The following DDX60L variants were observed in gnomAD, a reference collection of about 807,000 sequenced individuals.
DDX60L encodes DExD/H-box 60 like.
In DDX60L, 191 loss-of-function variants were observed where a neutral mutation model predicts 211.6. That is an observed-to-expected ratio of 0.90 (90% CI 0.80 to 1.02). DDX60L has a LOEUF of 1.02. Ranked by LOEUF, DDX60L falls within the 50% of genes least tolerant of loss-of-function variation. The pLI is 0.00. For missense variants in DDX60L, 2,007 were observed against 1,984.1 expected, an observed-to-expected ratio of 1.01 and a Z score of -0.22; for synonymous variants, 706 against 694.1, an observed-to-expected ratio of 1.02 and a Z score of -0.27.
chr4:168,380,108 GA>G, intron 30 of DDX60L: 1 of 278,964 alleles, frequency 3.6e-6, no homozygotes, highest in Non-Finnish European at 6.7e-6. Flanking sequence ...ATAGTGGCCT[GA>G]AAAAATGAAG....
At position 168,471,771 on chromosome 4, in the gene DDX60L, T is replaced by G; in HGVS notation, c.240A>C (p.Gly80=). 1.2e-6 allele frequency: 2 copies of G among 1,603,464 alleles called. No individual in the cohort carries two copies. Among genetic ancestry groups the G allele is most frequent in the Non-Finnish European group, 1.7e-6 (2 of 1,177,642 alleles). The change falls in exon 4 of 38, where the codon GGA becomes GGC. Residue 80 remains glycine, a synonymous_variant. Coordinates refer to ENST00000682922, the MANE Select transcript of DDX60L (RefSeq NM_001012967.3). ...CYLVDLLSNG[G]QFTIVFFKDA... ...CCTTAAAGAAAACTATGGTGAATTG[T>G]CCTCCGTTACTCAGAAGATCCACAA...
chr4:168,432,262 AT>A (rs1752470630), intron 12 of DDX60L, among the ~76,000 whole-genome samples, 192 bp downstream of exon 12: 1 of 149,074 alleles, frequency 6.7e-6, no homozygotes, highest in East Asian at 1.9e-4. Flanking sequence ...GTGTGTATAT[AT>A]ATATACACAC....
Position 168,453,185 on chromosome 4 carries a change from C to G in DDX60L, c.935G>C (p.Arg312Thr). ...GCATGTGATGACTCGAGAACAAGCT[C>G]TCTGAGAAAGGGGTAAGTGGAGTTG... The part of the protein sequence containing the change: ...AFQLHLPLSQ[R>T]ACSRVITCSW... Residue 312 changes from arginine (R) to threonine (T), a missense_variant, in exon 8 of 38, where the codon AGA becomes ACA. Transcript: ENST00000682922. 6.2e-7 allele frequency: 1 copy of G among 1,613,416 alleles called. No homozygotes were observed. The highest frequency in any genetic ancestry group is 1.3e-5 in the African/African-American group (1 of 75,020).
rs764971648 is a variant in DDX60L at position 168,361,206 on chromosome 4, C to G, written c.4934G>C (p.Arg1645Pro). The change falls in exon 37 of 38, where the codon CGT becomes CCT. Residue 1645 changes from arginine to proline, a missense_variant. Coordinates refer to ENST00000682922, the MANE Select transcript of DDX60L (RefSeq NM_001012967.3). ...LTRLDQKNGM[R>P]MGQLLKCLKD... Reference sequence around the variant, plus strand: ...CAAACACTTTAAAAGCTGTCCCATACGCATCCTAAAGAGAACAACATTTCT... The same window carrying G: ...CAAACACTTTAAAAGCTGTCCCATAGGCATCCTAAAGAGAACAACATTTCT... 6.3e-7 allele frequency: 1 copy of G among 1,581,902 alleles called. No individual in the cohort carries two copies. The highest frequency in any genetic ancestry group is 1.3e-5 in the African/African-American group (1 of 74,618).
intron 4 of DDX60L, among the ~76,000 whole-genome samples, chr4:168,467,367 C>T (rs922212758): frequency 4.0e-5 from 6 of 149,474 alleles, no homozygotes; most frequent in Admixed American, 1.3e-4. Flanking sequence ...CAAAATCATG[C>T]TACTGCTATG....
intron 6 of DDX60L, 83 bp from the exon 7 acceptor site, chr4:168,456,235 T>G: frequency 1.3e-6 from 1 of 752,956 alleles, no homozygotes; most frequent in Non-Finnish European, 2.0e-6. Flanking sequence ...GTAAGAAACA[T>G]AAAGAAAACG....
chr4:168,407,377 T>A (rs536404638), intron 22 of DDX60L, among the ~76,000 whole-genome samples: 2 of 152,338 alleles, frequency 1.3e-5, no homozygotes, highest in South Asian at 4.1e-4. Flanking sequence ...CAAAGCACCA[T>A]GTAGGGTACA....
Position 168,439,112 on chromosome 4 carries a change from G to A in DDX60L, c.1294+2225C>T, listed in dbSNP as rs564077071. On this transcript the variant is annotated intron_variant, in intron 10 of 37. Coordinates refer to ENST00000682922, the MANE Select transcript of DDX60L (RefSeq NM_001012967.3). ...GTGTGATTTCGTTAGTGCCTTTATT[G>A]GGAGATTAAGTATGGTTTAAGGATA... Among the ~76,000 whole-genome samples, 5 of 152,176 alleles carry A rather than the reference G, an allele frequency of 3.3e-5. 1 individual carries two copies. The highest frequency in any genetic ancestry group is 1.2e-4 in the African/African-American group (5 of 41,526).
chr4:168,448,888 T>C (rs1755230614), intron 8 of DDX60L, 109 bp from the exon 9 acceptor site: 2 of 932,510 alleles, frequency 2.1e-6, no homozygotes, highest in Admixed American at 5.7e-5. Context: ...GGTGGAATGA[T>C]AAAGTCATTA....
Position 168,375,596 on chromosome 4 carries a change from T to C in DDX60L, c.4486-72A>G, listed in dbSNP as rs72989172. ...AAAATTAAACTGCTTGGTGATAAGA[T>C]TGCAGCATAGTTCTGTAGATTGATG... On this transcript the variant is annotated intron_variant, in intron 33 of 37. Transcript: ENST00000682922. 8.4e-3 allele frequency: 11,701 copies of C among 1,386,386 alleles called. 837 individuals are homozygous for C. The African/African-American group carries it at 0.15, about 18-fold the overall frequency. 85.9% of individuals were successfully genotyped at this position (1,386,386 alleles called of 1,614,324 possible). A position where few individuals can be genotyped will look rare whatever the true frequency, so the allele number is the denominator to read the frequency against.
rs187093278 is a variant in DDX60L at position 168,412,533 on chromosome 4, T to C, written c.2979+2875A>G. On this transcript the variant is annotated intron_variant, in intron 22 of 37. Coordinates refer to ENST00000682922, the MANE Select transcript of DDX60L (RefSeq NM_001012967.3). ...TGGGAAAAAAAAAGGGAAGAGTAGA[T>C]AGATCCTGACTCCAAGCCCTGGATC... Among the ~76,000 whole-genome samples the C allele has an allele frequency of 7.9e-4, 120 of 151,796 alleles. 1 individual carries two copies. Among genetic ancestry groups the C allele is most frequent in the African/African-American group, 2.8e-3 (118 of 41,484 alleles).
chr4:168,395,914 A>C, intron 27 of DDX60L, 45 bp downstream of exon 27: 1 of 1,303,914 alleles, frequency 7.7e-7, no homozygotes, highest in South Asian at 1.3e-5. Context: ...ACTATGATAA[A>C]ATGTCACAAC....
intron 12 of DDX60L, among the ~76,000 whole-genome samples, chr4:168,431,014 C>T (rs561808165): frequency 2.2e-4 from 34 of 152,344 alleles, no homozygotes; most frequent in African/African-American, 7.5e-4. Flanking sequence ...TGAGTACCTA[C>T]ATCATGCTGT....
At chr4:168,421,611 C>T (rs1256591590) in intron 17 of DDX60L, 149 bp downstream of exon 17, 32 of 1,023,548 alleles carry the variant, frequency 3.1e-5, no homozygotes, top group East Asian at 1.6e-4. Flanking sequence ...GCCGAGATCG[C>T]GCCACTGCAC....
At chr4:168,382,698 T>C (rs1008023859) in intron 30 of DDX60L, among the ~76,000 whole-genome samples, 15 of 152,094 alleles carry the variant, frequency 9.9e-5, no homozygotes, top group Admixed American at 9.8e-4. Flanking sequence ...AAATCTATTT[T>C]TCCACAAAAA....
chr4:168,385,464 G>GT (rs1178738189), intron 29 of DDX60L, among the ~76,000 whole-genome samples: 1 of 152,098 alleles, frequency 6.6e-6, no homozygotes, highest in Non-Finnish European at 1.5e-5. Context: ...GTGTTTCTGA[G>GT]TTCCATGAGC....
intron 23 of DDX60L, 105 bp from the exon 24 acceptor site, chr4:168,406,183 A>G (rs1352663319): frequency 3.5e-6 from 4 of 1,156,882 alleles, no homozygotes; most frequent in Middle Eastern, 2.9e-4. Flanking sequence ...AAAATTGCAA[A>G]CTCCTTGAGG....
intron 29 of DDX60L, chr4:168,390,617 G>C (rs190404087): frequency 2.7e-6 from 2 of 747,420 alleles, no homozygotes; most frequent in Non-Finnish European, 3.9e-6. Context: ...TATATTTCGA[G>C]ACTAGGCAAA....
At chr4:168,452,918 G>A (rs1321683436) in intron 8 of DDX60L, among the ~76,000 whole-genome samples, 1 of 151,964 alleles carries the variant, frequency 6.6e-6, no homozygotes, top group Non-Finnish European at 1.5e-5. Flanking sequence ...GAGATAAGAA[G>A]GAAAAAGAGG....
Sources: allele counts gnomAD v4.1 joint callset (sites outside exome capture counted in the v4.1 genomes callset), GRCh38; gene constraint gnomAD v4.1.1; transcripts MANE v1.5; gene names NCBI Gene and HGNC (gene_info 2026-07-23, HGNC 2026-07-21).